CARMIL1: variants seen among roughly 807,000 people sequenced by gnomAD.
CARMIL1 encodes F-actin-uncapping protein LRRC16A.
Under a neutral mutation model 177.1 loss-of-function variants are expected in CARMIL1, and 90 were observed. The observed-to-expected ratio is 0.51, with a 90% CI of 0.43 to 0.61. The LOEUF is 0.61. Ranked by LOEUF, CARMIL1 falls within the 20% of genes least tolerant of loss-of-function variation. The pLI is 0.00. For missense variants in CARMIL1, 1,380 were observed against 1,667.0 expected (o/e 0.83, Z 3.00); for synonymous variants, 577 against 606.2 (o/e 0.95, Z 0.71).
At position 25,577,152 on chromosome 6, in the gene CARMIL1, T is replaced by G; in HGVS notation, c.2743-3772T>G. Reference sequence around the variant, plus strand: ...AATAGGCAACAATTTAGAGACAAGATTGGATTTTGCAAGATGGTTCAGCTA... The same window carrying G: ...AATAGGCAACAATTTAGAGACAAGAGTGGATTTTGCAAGATGGTTCAGCTA... On this transcript the variant is annotated intron_variant, in intron 29 of 36. Transcript: ENST00000329474. The surrounding 1 kb of genome is among the most constrained non-coding windows in gnomAD (Gnocchi z 4.5). The G allele has an allele frequency of 1.0e-6, 1 of 984,942 alleles. No homozygotes were observed. Among genetic ancestry groups the G allele is most frequent in the South Asian group, 4.7e-5 (1 of 21,276 alleles). 61.0% of individuals were successfully genotyped at this position (984,942 alleles called of 1,614,324 possible).
chr6:25,592,731 C>T (rs1814440564), intron 31 of CARMIL1, among the ~76,000 whole-genome samples: 1 of 152,174 alleles, frequency 6.6e-6, no homozygotes, highest in African/African-American at 2.4e-5. Flanking sequence ...CATGTTCCCC[C>T]TAGGCACCTT....
intron 2 of CARMIL1, among the ~76,000 whole-genome samples, chr6:25,369,325 A>G (rs1790159601): frequency 6.6e-6 from 1 of 150,940 alleles, no homozygotes; most frequent in Admixed American, 6.6e-5. Flanking sequence ...TTAATTCTCA[A>G]CCCATTGATC....
intron 2 of CARMIL1, among the ~76,000 whole-genome samples, chr6:25,408,843 T>C (rs2150622463): frequency 6.6e-6 from 1 of 152,150 alleles, no homozygotes; most frequent in African/African-American, 2.4e-5. Context: ...AAAAAAGATT[T>C]TGAGCCAGGT....
intron 8 of CARMIL1, 60 bp downstream of exon 8, chr6:25,450,771 C>T (rs1581989014): frequency 3.1e-6 from 1 of 325,644 alleles, no homozygotes; most frequent in Admixed American, 3.8e-5. Flanking sequence ...TCCCTTCCTC[C>T]CTCCCCTCCC....
chr6:25,441,727 G>A (rs1797801358), intron 5 of CARMIL1, among the ~76,000 whole-genome samples: 1 of 152,140 alleles, frequency 6.6e-6, no homozygotes, highest in Non-Finnish European at 1.5e-5. Flanking sequence ...CTCTCAGACA[G>A]TGACAACCCT....
At chr6:25,475,505 T>G (rs1354453916) in intron 11 of CARMIL1, among the ~76,000 whole-genome samples, 1 of 152,170 alleles carries the variant, frequency 6.6e-6, no homozygotes, top group Non-Finnish European at 1.5e-5. Context: ...CACAGAGACT[T>G]GTGAATGAAT....
chr6:25,428,155 T>C (rs1025374304), intron 4 of CARMIL1, among the ~76,000 whole-genome samples: 3 of 152,228 alleles, frequency 2.0e-5, no homozygotes, highest in African/African-American at 7.2e-5. Context: ...GTTACACATG[T>C]AGGCCTATGA....
chr6:25,309,832 C>T (rs1022224627), intron 2 of CARMIL1, among the ~76,000 whole-genome samples: 10 of 147,934 alleles, frequency 6.8e-5, no homozygotes, highest in African/African-American at 2.0e-4. Flanking sequence ...TGCAATGGCA[C>T]GATCTCGGCT....
chr6:25,606,231 C>G lies in CARMIL1; in HGVS notation c.3805C>G (p.Arg1269Gly). ...LQSPKPSLAA[R>G]PVIPQKPRTA... ...GTCCCCCAAACCCAGTCTGGCAGCA[C>G]GGCCCGTCATCCCGCAGAAACCAAG... Residue 1269 changes from arginine (R) to glycine (G), a missense_variant, in exon 35 of 37, where the codon CGG becomes GGG. Physicochemically the swap from Arg to Gly is moderately radical, Grantham distance 125. Transcript: ENST00000329474. 2 of 1,613,880 alleles carry G rather than the reference C, an allele frequency of 1.2e-6. No homozygotes were observed. Among genetic ancestry groups the G allele is most frequent in the Non-Finnish European group, 1.7e-6 (2 of 1,179,860 alleles).
chr6:25,418,819 G>A (rs1423657515), intron 2 of CARMIL1, among the ~76,000 whole-genome samples: 1 of 152,140 alleles, frequency 6.6e-6, no homozygotes, highest in East Asian at 1.9e-4. Flanking sequence ...TTGGGTGAAA[G>A]GTCTTGAAAT....
intron 5 of CARMIL1, among the ~76,000 whole-genome samples, chr6:25,448,375 T>C (rs749641293): frequency 2.0e-5 from 3 of 152,166 alleles, no homozygotes; most frequent in Non-Finnish European, 4.4e-5. Context: ...ATTTGCCAAC[T>C]ATTTTGAACT....
intron 33 of CARMIL1, among the ~76,000 whole-genome samples, chr6:25,601,033 C>G (rs574311170): frequency 1.6e-4 from 25 of 152,138 alleles, no homozygotes; most frequent in Non-Finnish European, 5.9e-5. Flanking sequence ...CCCCATGTCC[C>G]CACACTTCCT....
chr6:25,485,458 C>T (rs1376425636), intron 12 of CARMIL1, among the ~76,000 whole-genome samples: 4 of 152,188 alleles, frequency 2.6e-5, no homozygotes, highest in East Asian at 1.9e-4. Context: ...CTCTGTCGCT[C>T]GGGCTGGAGT....
chr6:25,537,773 A>G (rs1200392011), intron 24 of CARMIL1, 82 bp from the exon 25 acceptor site: 9 of 1,525,842 alleles, frequency 5.9e-6, no homozygotes, highest in Admixed American at 2.1e-5. Flanking sequence ...AGTTTTTTTC[A>G]TACTCCTTCG....
chr6:25,591,560 C>G (rs985431193), intron 31 of CARMIL1, among the ~76,000 whole-genome samples: 1 of 152,190 alleles, frequency 6.6e-6, no homozygotes. Flanking sequence ...ATTTTGAGAA[C>G]TTCTGATAAC....
At chr6:25,395,222 C>T (rs140112847) in intron 2 of CARMIL1, among the ~76,000 whole-genome samples, 5 of 152,236 alleles carry the variant, frequency 3.3e-5, no homozygotes, top group East Asian at 1.9e-4. Flanking sequence ...TATGCATTGT[C>T]GGGACGGCGG....
chr6:25,348,303 T>G (rs1787746964), intron 2 of CARMIL1, among the ~76,000 whole-genome samples: 1 of 151,896 alleles, frequency 6.6e-6, no homozygotes, highest in Admixed American at 6.6e-5. Flanking sequence ...CGGCTAATTT[T>G]GTATTTTTAG....
At chr6:25,573,456 CTG>C (rs1251736857) in intron 29 of CARMIL1, among the ~76,000 whole-genome samples, 1 of 152,004 alleles carries the variant, frequency 6.6e-6, no homozygotes, top group Non-Finnish European at 1.5e-5. Context: ...CAAGGTGACT[CTG>C]TAGTTGAAAT....
chr6:25,486,711 GC>G (rs1802692097), intron 12 of CARMIL1, among the ~76,000 whole-genome samples: 1 of 152,074 alleles, frequency 6.6e-6, no homozygotes, highest in African/African-American at 2.4e-5. Context: ...CTACTGCCAA[GC>G]TTTTGTTCTT....
Sources: allele counts gnomAD v4.1 joint callset (sites outside exome capture counted in the v4.1 genomes callset), GRCh38; gene constraint gnomAD v4.1.1; non-coding constraint Gnocchi (gnomAD v3.1); transcripts MANE v1.5; gene names NCBI Gene and HGNC (gene_info 2026-07-23, HGNC 2026-07-21).